The following NPTXR variants were observed in gnomAD, a reference collection of about 807,000 sequenced individuals.
NPTXR encodes neuronal pentraxin receptor.
NPTXR carries 12 observed loss-of-function variants against 32.2 expected under a neutral mutation model. The ratio of observed to expected loss-of-function variants is 0.37; its 90% CI spans 0.24 to 0.60. The LOEUF (loss-of-function observed/expected upper bound fraction) is 0.60. Ranked by LOEUF, NPTXR falls within the 20% of genes least tolerant of loss-of-function variation. NPTXR has a pLI of 0.66. For synonymous variants in NPTXR, 323 were observed against 315.8 expected, an observed-to-expected ratio of 1.02 and a Z score of -0.24; for missense variants, 612 against 682.9, an observed-to-expected ratio of 0.90 and a Z score of 1.16.
At position 38,843,211 on chromosome 22, in the gene NPTXR, C is replaced by G; in HGVS notation, c.624+24G>C. ...GGCCCCTCACACCACCCGGGCGGCT[C>G]CCCCGACGGCGCGCGGCGCTCACCT... On this transcript the variant is annotated intron_variant, in intron 1 of 4. Transcript: ENST00000333039. The surrounding 1 kb of genome is among the most constrained non-coding windows in gnomAD (Gnocchi z 5.3). 1 of 1,300,516 alleles carries G rather than the reference C, an allele frequency of 7.7e-7. No individual in the cohort carries two copies. The highest frequency in any genetic ancestry group is 9.7e-7 in the Non-Finnish European group (1 of 1,029,666). The allele number at this position is 1,300,516 out of a possible 1,614,324, so 80.6% of individuals were successfully genotyped here.
chr22:38,830,539 G>A (rs903127378), intron 1 of NPTXR, among the ~76,000 whole-genome samples: 2 of 152,196 alleles, frequency 1.3e-5, no homozygotes, highest in Non-Finnish European at 2.9e-5. Flanking sequence ...GCTGGGATCT[G>A]AGCCTAGCAG....
At position 38,843,202 on chromosome 22, in the gene NPTXR, CG is replaced by C; in HGVS notation, c.624+32del. The C allele has an allele frequency of 7.7e-7, 1 of 1,293,686 alleles. No homozygotes were observed. Among genetic ancestry groups the C allele is most frequent in the Non-Finnish European group, 9.8e-7 (1 of 1,025,524 alleles). 80.1% of individuals were successfully genotyped at this position (1,293,686 alleles called of 1,614,324 possible). Reference sequence around the variant, plus strand: ...CGGCCGGGCGGCCCCTCACACCACCCGGGCGGCTCCCCCGACGGCGCGCGGC... The same window carrying C: ...CGGCCGGGCGGCCCCTCACACCACCCGGCGGCTCCCCCGACGGCGCGCGGC... On this transcript the variant is annotated intron_variant, in intron 1 of 4. Coordinates refer to ENST00000333039, the MANE Select transcript of NPTXR (RefSeq NM_014293.4). The surrounding 1 kb of genome is among the most constrained non-coding windows in gnomAD (Gnocchi z 5.3).
intron 1 of NPTXR, among the ~76,000 whole-genome samples, chr22:38,835,383 C>A (rs1419168221): frequency 6.6e-6 from 1 of 152,198 alleles, no homozygotes; most frequent in Non-Finnish European, 1.5e-5. Context: ...CTCCTCCTAC[C>A]CAGGTGGGGA....
At chr22:38,826,773 T>C in intron 2 of NPTXR, 26 bp from the exon 3 acceptor site, 1 of 1,596,516 alleles carries the variant, frequency 6.3e-7, no homozygotes, top group Non-Finnish European at 8.6e-7. Flanking sequence ...GCAGACATGG[T>C]GGAGGTCGGT....
intron 3 of NPTXR, among the ~76,000 whole-genome samples, chr22:38,825,422 G>A (rs2093104848): frequency 6.6e-6 from 1 of 152,016 alleles, no homozygotes; most frequent in Non-Finnish European, 1.5e-5. Flanking sequence ...GAAGGTCAAG[G>A]GTAATAATGT....
chr22:38,833,760 C>T lies in NPTXR; in HGVS notation c.625-5248G>A, dbSNP rs572920692. 5.1e-4 allele frequency among the ~76,000 whole-genome samples: 78 copies of T among 151,870 alleles called. 1 individual carries two copies. Among genetic ancestry groups the T allele is most frequent in the African/African-American group, 1.8e-3 (74 of 41,364 alleles). ...CACGATCTCGGCTCACTGCAGGCTC[C>T]GCCCCCCTGGGGTTCACGCCATTCT... On this transcript the variant is annotated intron_variant, in intron 1 of 4. Transcript: ENST00000333039.
At chr22:38,835,163 C>T (rs3817727) in intron 1 of NPTXR, among the ~76,000 whole-genome samples, 4,735 of 152,338 alleles carry the variant, frequency 0.031, 111 homozygotes, top group East Asian at 0.11. Flanking sequence ...GCTGTGGCCC[C>T]AAAGGCAAAT....
rs7289235 is a variant in NPTXR, at chr22:38,843,159, G to A, written c.624+76C>T. The A allele has an allele frequency of 0.026, 31,401 of 1,221,748 alleles. 2,170 individuals are homozygous for A. Among genetic ancestry groups the A allele is most frequent in the African/African-American group, 0.25 (15,909 of 63,260 alleles). 75.7% of individuals were successfully genotyped at this position (1,221,748 alleles called of 1,614,324 possible). A position where few individuals can be genotyped will look rare whatever the true frequency, so the allele number is the denominator to read the frequency against. On this transcript the variant is annotated intron_variant, in intron 1 of 4. Coordinates refer to ENST00000333039, the MANE Select transcript of NPTXR (RefSeq NM_014293.4). The surrounding 1 kb of genome is among the most constrained non-coding windows in gnomAD (Gnocchi z 5.3). ...ACACAGACGGGAGACCGGAGGCTCG[G>A]GGACCGCCGGACGACCGCGGCCGGG...
chr22:38,836,867 TGCA>T (rs1296763610), intron 1 of NPTXR, among the ~76,000 whole-genome samples: 1 of 152,192 alleles, frequency 6.6e-6, no homozygotes, highest in Non-Finnish European at 1.5e-5. Context: ...CAGGCTGTAG[TGCA>T]GTGGTGCAAT....
At position 38,834,662 on chromosome 22, in the gene NPTXR, C is replaced by T. The variant is rs541786368; in HGVS notation, c.625-6150G>A. 7.9e-5 allele frequency among the ~76,000 whole-genome samples: 12 copies of T among 151,972 alleles called. No homozygotes were observed. The South Asian group carries it at 1.7e-3, about 21-fold the overall frequency. ...CATGTGTGCCGCAGCAACATGGCGT[C>T]GTAGTTGCAGACACGAACTGTCACG... is the stretch of plus-strand genomic sequence containing the variant. On this transcript the variant is annotated intron_variant, in intron 1 of 4. Coordinates refer to ENST00000333039, the MANE Select transcript of NPTXR (RefSeq NM_014293.4). This position sits in a 1 kb window ranked among gnomAD's most constrained non-coding sequence, Gnocchi z 4.4.
chr22:38,842,059 C>G, intron 1 of NPTXR, among the ~76,000 whole-genome samples: 1 of 152,212 alleles, frequency 6.6e-6, no homozygotes, highest in East Asian at 1.9e-4. Flanking sequence ...CCAGTACAGA[C>G]GTCCTGGAGG....
intron 1 of NPTXR, among the ~76,000 whole-genome samples, chr22:38,838,788 A>G (rs1048125115): frequency 1.3e-5 from 2 of 151,846 alleles, no homozygotes; most frequent in African/African-American, 2.4e-5. Context: ...TCACCGTGTT[A>G]GCCAGGATGG....
At chr22:38,837,103 C>T (rs553110808) in intron 1 of NPTXR, among the ~76,000 whole-genome samples, 5 of 152,320 alleles carry the variant, frequency 3.3e-5, no homozygotes, top group East Asian at 1.9e-4. Context: ...CGTGAGCCAC[C>T]GCGCCCAGCC....
chr22:38,832,564 C>A (rs184964968), intron 1 of NPTXR, among the ~76,000 whole-genome samples: 237 of 152,374 alleles, frequency 1.6e-3, no homozygotes, highest in African/African-American at 5.5e-3. Flanking sequence ...CCATCGAGCA[C>A]TCGCTGCATG....
In NPTXR at chr22:38,838,573, A is replaced by ACTTTTTTTTTT. The variant is rs200891254; in HGVS notation, c.624+4661_624+4662insAAAAAAAAAAG. Reference sequence around the variant, plus strand: ...GCACAGGCACCGCCCTCACCTGGCTATTTTTTTTTTTTTTTTTTTTTTTTT... The same window carrying ACTTTTTTTTTT: ...GCACAGGCACCGCCCTCACCTGGCTACTTTTTTTTTTTTTTTTTTTTTTTTTTTTTTTTTTT... On this transcript the variant is annotated intron_variant, in intron 1 of 4. Transcript: ENST00000333039. Among the ~76,000 whole-genome samples the ACTTTTTTTTTT allele has an allele frequency of 2.4e-5, 2 of 83,190 alleles. 1 individual carries two copies. The allele number at this position is 83,190 out of a possible 152,430, so 54.6% of individuals were successfully genotyped here.
At position 38,822,645 on chromosome 22, in the gene NPTXR, A is replaced by G. The variant is rs1489038541; in HGVS notation, c.1467T>C (p.Ala489=). The G allele has an allele frequency of 6.2e-7, 1 of 1,613,858 alleles. No individual in the cohort carries two copies. Among genetic ancestry groups the G allele is most frequent in the Admixed American group, 1.7e-5 (1 of 60,012 alleles). The change falls in exon 5 of 5, where the codon GCT becomes GCC. Residue 489 remains alanine (A), a synonymous_variant. Transcript: ENST00000333039. ...CCCTCCCCTTGCAGACATCGAAGGC[A>G]GCCTTTGTTGCACCCCCAAAGGCCT... is the stretch of plus-strand genomic sequence containing the variant.
intron 1 of NPTXR, among the ~76,000 whole-genome samples, chr22:38,836,465 G>C (rs890234276): frequency 6.6e-6 from 1 of 152,394 alleles, no homozygotes; most frequent in Admixed American, 6.5e-5. Flanking sequence ...AAGCCTGGAT[G>C]CCACAGACGT....
chr22:38,839,803 T>C (rs1450931642), intron 1 of NPTXR, among the ~76,000 whole-genome samples: 1 of 152,078 alleles, frequency 6.6e-6, no homozygotes, highest in Non-Finnish European at 1.5e-5. Flanking sequence ...AGAAAAATAA[T>C]TAGAAACAAC....
intron 1 of NPTXR, among the ~76,000 whole-genome samples, chr22:38,838,794 G>A (rs1019330372): frequency 4.6e-5 from 7 of 151,914 alleles, no homozygotes; most frequent in Admixed American, 2.0e-4. Flanking sequence ...TGTTAGCCAG[G>A]ATGGTCTCGA....
Sources: gnomAD v4.1 joint callset for allele counts (sites outside exome capture counted in the v4.1 genomes callset) on GRCh38, gnomAD v4.1.1 for gene constraint, Gnocchi (gnomAD v3.1) non-coding constraint, MANE v1.5 for transcripts, NCBI Gene and HGNC (gene_info 2026-07-23, HGNC 2026-07-21) for gene names.